Variants in C11orf65 observed in about 807,000 individuals in gnomAD.
The protein encoded by C11orf65 is chromosome 11 open reading frame 65, also known as protein MFI.
C11orf65 carries 38 observed loss-of-function variants against 35.3 expected under a neutral mutation model. That is an observed-to-expected ratio of 1.08 (90% CI 0.83 to 1.41). The LOEUF (loss-of-function observed/expected upper bound fraction) is 1.41, where lower values mean the gene tolerates loss of function less well. Among genes scored for constraint, C11orf65 ranks in the 40% most tolerant of loss-of-function variants. C11orf65 has a pLI of 0.00. For synonymous variants in C11orf65, 105 were observed against 114.4 expected (o/e 0.92, Z 0.53); for missense variants, 370 against 367.1 (o/e 1.01, Z -0.06).
Position 108,364,543 on chromosome 11 carries a change from T to G in C11orf65, c.226+28665A>C, listed in dbSNP as rs145402901. On this transcript the variant is annotated intron_variant, in intron 2 of 3. Transcript: ENST00000524755. ...TGAGGAGGTTTCAACAAATTATACC[T>G]TTCTGGATCCACCCAGATTTAGAAC... 3.3e-4 allele frequency among the ~76,000 whole-genome samples: 51 copies of G among 152,272 alleles called. No homozygotes were observed. The East Asian group carries it at 9.8e-3, about 29-fold the overall frequency.
chr11:108,446,472 A>G, intron 2 of C11orf65, among the ~76,000 whole-genome samples: 1 of 151,748 alleles, frequency 6.6e-6, no homozygotes, highest in South Asian at 2.1e-4. Context: ...AGTGGGGGCC[A>G]ATATTCAACA....
Position 108,373,972 on chromosome 11 carries a change from G to A in C11orf65, c.226+19236C>T, listed in dbSNP as rs562848101. Among the ~76,000 whole-genome samples the A allele has an allele frequency of 1.2e-3, 187 of 152,360 alleles. 1 individual carries two copies. Among genetic ancestry groups the A allele is most frequent in the African/African-American group, 4.4e-3 (181 of 41,584 alleles). On this transcript the variant is annotated intron_variant, in intron 2 of 3. Coordinates refer to the C11orf65 transcript ENST00000524755. ...CTGCAAGGCTGCAGCGAGGCTGGCG[G>A]AGGGGCACCCGCCATTGCCCAGGCT... is the stretch of plus-strand genomic sequence containing the variant.
chr11:108,376,639 C>T (rs1346780189), intron 2 of C11orf65, among the ~76,000 whole-genome samples: 3 of 151,808 alleles, frequency 2.0e-5, no homozygotes, highest in Non-Finnish European at 4.4e-5. Flanking sequence ...CAGAGCAGAA[C>T]TGAAGGAAAT....
rs200389039 is a variant in C11orf65 at position 108,335,839 on chromosome 11, C to T, written c.227-547G>A. 9 of 1,608,010 alleles carry T rather than the reference C, an allele frequency of 5.6e-6. No individual in the cohort carries two copies. The highest frequency in any genetic ancestry group is 7.7e-6 in the Non-Finnish European group (9 of 1,174,864). On this transcript the variant is annotated intron_variant, in intron 2 of 3. Transcript: ENST00000524755. ...ACTTGTTTATTCATGCTTAATTATT[C>T]TGAAGGGCCGTGATGACCTGAGACA...
At chr11:108,335,801 T>C in intron 2 of C11orf65, 1 of 1,498,298 alleles carries the variant, frequency 6.7e-7, no homozygotes, top group South Asian at 1.1e-5. Context: ...GTTTTTATAA[T>C]AAAATAAACT....
downstream of C11orf65, among the ~76,000 whole-genome samples, chr11:108,330,968 A>T (rs1419553271): frequency 9.2e-5 from 14 of 152,234 alleles, no homozygotes; most frequent in Admixed American, 8.5e-4. Context: ...ATATATTGTT[A>T]GTCAATTTGA....
Position 108,410,509 on chromosome 11 carries a change from G to A in C11orf65, c.175-3360C>T, listed in dbSNP as rs536231245. 8.6e-5 allele frequency among the ~76,000 whole-genome samples: 13 copies of A among 151,968 alleles called. No individual in the cohort carries two copies. In the East Asian group the frequency reaches 2.1e-3, roughly 25 times the overall value. On this transcript the variant is annotated intron_variant, in intron 3 of 8. Transcript: ENST00000393084. Reference sequence around the variant, plus strand: ...GCTGGGACTAAAGGCACGCACCATCGTGACAGGCTAATTTTTTTAATTTTT... The same window carrying A: ...GCTGGGACTAAAGGCACGCACCATCATGACAGGCTAATTTTTTTAATTTTT...
intron 2 of C11orf65, chr11:108,355,540 G>A (rs1591317825): frequency 1.3e-5 from 2 of 153,126 alleles, no homozygotes; most frequent in African/African-American, 2.4e-5. Flanking sequence ...TGTGAGACAA[G>A]AAATCAGGAG....
chr11:108,375,138 G>A (rs956555716), intron 2 of C11orf65, among the ~76,000 whole-genome samples: 6 of 151,842 alleles, frequency 4.0e-5, no homozygotes, highest in Non-Finnish European at 7.4e-5. Context: ...TACAGAGAAC[G>A]CCACAAAGAT....
rs2136120645 is a variant in C11orf65, at chr11:108,315,885, A to G, written c.641-6814T>C. ...CAGATAGTTTGTATGGCTGTGGTGG[A>G]GGGAAGATGTTACAACCCATTACTA... is the stretch of plus-strand genomic sequence containing the variant. On this transcript the variant is annotated intron_variant, in intron 6 of 6. Coordinates refer to the C11orf65 transcript ENST00000525729. 1 of 1,612,816 alleles carries G rather than the reference A, an allele frequency of 6.2e-7. No homozygotes were observed. Among genetic ancestry groups the G allele is most frequent in the Non-Finnish European group, 8.5e-7 (1 of 1,178,830 alleles).
chr11:108,344,525 T>C (rs977575268), intron 2 of C11orf65, among the ~76,000 whole-genome samples: 3 of 152,090 alleles, frequency 2.0e-5, no homozygotes, highest in Non-Finnish European at 2.9e-5. Context: ...CCCTAAAGGA[T>C]AGTAATATCA....
chr11:108,353,650 T>G (rs1211714405), intron 2 of C11orf65: 2 of 806,288 alleles, frequency 2.5e-6, no homozygotes, highest in Admixed American at 3.6e-5. Context: ...TACATACTAG[T>G]GTTCATAGAA....
At chr11:108,333,403 T>C (rs2086492284) in intron 3 of C11orf65, among the ~76,000 whole-genome samples, 1 of 152,346 alleles carries the variant, frequency 6.6e-6, no homozygotes, top group Middle Eastern at 3.4e-3. Context: ...CTAAGTATGC[T>C]TCTAAGTATC....
chr11:108,364,174 C>T (rs1363629892), intron 2 of C11orf65, among the ~76,000 whole-genome samples: 1 of 152,024 alleles, frequency 6.6e-6, no homozygotes, highest in Non-Finnish European at 1.5e-5. Context: ...TTTTATAGTC[C>T]CAACCTGCAG....
rs182716528 is a variant in C11orf65 at position 108,316,889 on chromosome 11, G to A, written c.641-7818C>T. On this transcript the variant is annotated intron_variant, in intron 6 of 6. Coordinates refer to the C11orf65 transcript ENST00000525729. ...TGCAGTGAGCCGAGATCGCGCCACT[G>A]CACTCCAGCCTGGGCAATAGAGCGA... Among the ~76,000 whole-genome samples, 83 of 151,894 alleles carry A rather than the reference G, an allele frequency of 5.5e-4. No individual in the cohort carries two copies. The East Asian group carries it at 0.012, about 23-fold the overall frequency.
At chr11:108,347,146 T>A in intron 2 of C11orf65, 1 of 746,944 alleles carries the variant, frequency 1.3e-6, no homozygotes, top group Non-Finnish European at 2.4e-6. Context: ...GTTATGCACA[T>A]CATTTAAGTA....
At position 108,391,266 on chromosome 11, in the gene C11orf65, G is replaced by A. The variant is rs147490474; in HGVS notation, c.731+1942C>T. Among the ~76,000 whole-genome samples, 1,340 of 152,216 alleles carry A rather than the reference G, an allele frequency of 8.8e-3. 4 individuals are homozygous for A. The highest frequency in any genetic ancestry group is 0.012 in the Non-Finnish European group (785 of 68,016). On this transcript the variant is annotated intron_variant, in intron 7 of 8. Transcript: ENST00000393084. Reference sequence around the variant, plus strand: ...GTTGAGTAAATATTGAACATTTTAAGCAGCTTTATTGAGGTATATAATTCA... The same window carrying A: ...GTTGAGTAAATATTGAACATTTTAAACAGCTTTATTGAGGTATATAATTCA...
rs780662027 is a variant in C11orf65, at chr11:108,347,261, T to C, written c.227-11969A>G. 1 of 1,547,706 alleles carries C rather than the reference T, an allele frequency of 6.5e-7. No individual in the cohort carries two copies. Among genetic ancestry groups the C allele is most frequent in the South Asian group, 1.1e-5 (1 of 89,788 alleles). ...ATGGAATCAGTGATTTCAGATTGTTTGTTTCTTTTTTCTCCAGTTGGTTAC... is the reference window on the plus strand; with the variant it reads ...ATGGAATCAGTGATTTCAGATTGTTCGTTTCTTTTTTCTCCAGTTGGTTAC... On this transcript the variant is annotated intron_variant, in intron 2 of 3. Coordinates refer to the C11orf65 transcript ENST00000524755.
chr11:108,363,276 T>C (rs1009478647), intron 2 of C11orf65, among the ~76,000 whole-genome samples: 6 of 152,178 alleles, frequency 3.9e-5, no homozygotes, highest in South Asian at 2.1e-4. Context: ...AGTCACTATT[T>C]CTGAACTGAT....
Sources: allele counts gnomAD v4.1 joint callset (sites outside exome capture counted in the v4.1 genomes callset), GRCh38; gene constraint gnomAD v4.1.1; transcripts MANE v1.5; gene names NCBI Gene and HGNC (gene_info 2026-07-23, HGNC 2026-07-21).